SCHIP1: variants seen among roughly 807,000 people sequenced by gnomAD.
The protein encoded by SCHIP1 is schwannomin-interacting protein 1.
A neutral mutation model predicts 29.7 loss-of-function variants in SCHIP1; 8 were observed. That is an observed-to-expected ratio of 0.27 (90% confidence interval 0.16 to 0.49). SCHIP1 has a LOEUF of 0.49. Ranked by LOEUF, SCHIP1 falls within the 20% of genes least tolerant of loss-of-function variation. The pLI is 0.99. For synonymous variants in SCHIP1, 76 were observed against 94.9 expected (o/e 0.80, Z 1.16); for missense variants, 193 against 294.6 (o/e 0.66, Z 2.52).
the SCHIP1 span, among the ~76,000 whole-genome samples, chr3:159,611,228 G>A: frequency 8.5e-5 from 13 of 152,082 alleles, no homozygotes; most frequent in African/African-American, 2.4e-4. Flanking sequence ...AGTCAAGTCC[G>A]GGGAGCCAGG....
At chr3:159,717,912 G>C in the SCHIP1 span, among the ~76,000 whole-genome samples, 1 of 152,110 alleles carries the variant, frequency 6.6e-6, no homozygotes, top group Non-Finnish European at 1.5e-5. Flanking sequence ...CCAAAGCCTG[G>C]CAGAGACACA....
chr3:159,337,342 G>T, the SCHIP1 span, among the ~76,000 whole-genome samples: 4 of 152,190 alleles, frequency 2.6e-5, no homozygotes, highest in East Asian at 7.7e-4. Flanking sequence ...GGAAGTTCTG[G>T]CCAGGGCAGT....
chr3:159,532,193 G>C, the SCHIP1 span, among the ~76,000 whole-genome samples: 1 of 152,132 alleles, frequency 6.6e-6, no homozygotes, highest in African/African-American at 2.4e-5. Flanking sequence ...CTGTAGGCAA[G>C]ATGCCGCTTT....
At chr3:159,876,211 C>T (rs1417954808) in intron 2 of SCHIP1, among the ~76,000 whole-genome samples, 1 of 152,210 alleles carries the variant, frequency 6.6e-6, no homozygotes, top group Non-Finnish European at 1.5e-5. Context: ...TGTTCTTCCA[C>T]CATCGATCAT....
At chr3:159,323,041 G>T in the SCHIP1 span, among the ~76,000 whole-genome samples, 2 of 152,160 alleles carry the variant, frequency 1.3e-5, no homozygotes, top group Admixed American at 6.5e-5. Flanking sequence ...GATAGCGGCG[G>T]ACTGGGAAGA....
At chr3:159,799,704 G>A in the SCHIP1 span, among the ~76,000 whole-genome samples, 1 of 152,188 alleles carries the variant, frequency 6.6e-6, no homozygotes, top group African/African-American at 2.4e-5. Flanking sequence ...CAGTCTGGTG[G>A]GAGTGCAAGA....
At chr3:159,512,250 C>T in the SCHIP1 span, among the ~76,000 whole-genome samples, 1 of 152,180 alleles carries the variant, frequency 6.6e-6, no homozygotes, top group Non-Finnish European at 1.5e-5. Context: ...TTTTAAAATG[C>T]TAACTTCGTT....
At chr3:159,496,050 T>C in the SCHIP1 span, among the ~76,000 whole-genome samples, 1 of 152,292 alleles carries the variant, frequency 6.6e-6, no homozygotes, top group East Asian at 1.9e-4. Context: ...TGGCTAGCCA[T>C]ATGTAGAAAG....
At chr3:159,891,238 G>A (rs1324290044) in intron 5 of SCHIP1, among the ~76,000 whole-genome samples, 1 of 152,178 alleles carries the variant, frequency 6.6e-6, no homozygotes, top group Non-Finnish European at 1.5e-5. Flanking sequence ...AGGCTTGGTG[G>A]CACATGCCCG....
chr3:159,803,549 C>T, the SCHIP1 span, among the ~76,000 whole-genome samples: 2 of 152,124 alleles, frequency 1.3e-5, no homozygotes, highest in Admixed American at 6.5e-5. Context: ...ACAAATAAGA[C>T]CTACCTAAGG....
chr3:159,711,166 G>T, the SCHIP1 span, among the ~76,000 whole-genome samples: 1 of 151,870 alleles, frequency 6.6e-6, no homozygotes, highest in Non-Finnish European at 1.5e-5. Context: ...ACATTTCGGA[G>T]TATGTTCAAA....
At chr3:159,566,926 T>C in the SCHIP1 span, among the ~76,000 whole-genome samples, 7 of 152,354 alleles carry the variant, frequency 4.6e-5, no homozygotes, top group South Asian at 1.5e-3. Context: ...CTCTTAAGTG[T>C]ACATTTTCAC....
the SCHIP1 span, among the ~76,000 whole-genome samples, chr3:159,467,459 T>C: frequency 6.6e-6 from 1 of 151,180 alleles, no homozygotes; most frequent in Non-Finnish European, 1.5e-5. Flanking sequence ...GAACCAGAAA[T>C]GAGAAGTAAA....
At chr3:159,606,642 A>G in the SCHIP1 span, among the ~76,000 whole-genome samples, 30,692 of 152,160 alleles carry the variant, frequency 0.2, 8,396 homozygotes, top group African/African-American at 0.62. Context: ...AACATGGGCC[A>G]GAAGCTGTTA....
the SCHIP1 span, among the ~76,000 whole-genome samples, chr3:159,383,411 T>C: frequency 6.6e-6 from 1 of 151,586 alleles, no homozygotes; most frequent in Non-Finnish European, 1.5e-5. Context: ...AAAGATCAGA[T>C]AGTTGTAGAT....
the SCHIP1 span, among the ~76,000 whole-genome samples, chr3:159,346,980 TC>T: frequency 2.6e-4 from 40 of 151,588 alleles, no homozygotes; most frequent in African/African-American, 9.7e-4. Flanking sequence ...AGTCATGACT[TC>T]CAATGAATCC....
chr3:159,489,763 G>A, the SCHIP1 span, among the ~76,000 whole-genome samples: 1 of 152,046 alleles, frequency 6.6e-6, no homozygotes. Flanking sequence ...TAATTCTATA[G>A]CATTTTTAAA....
At chr3:159,844,041 G>C (rs1428633228) in intron 1 of SCHIP1, among the ~76,000 whole-genome samples, 3 of 152,076 alleles carry the variant, frequency 2.0e-5, no homozygotes, top group African/African-American at 7.2e-5. Flanking sequence ...AGAGTTGCCA[G>C]GTCCCCTGCC....
the SCHIP1 span, among the ~76,000 whole-genome samples, chr3:159,672,384 T>A: frequency 6.6e-6 from 1 of 152,250 alleles, no homozygotes; most frequent in Admixed American, 6.5e-5. Flanking sequence ...TCTGCTGCCA[T>A]GCAAGGCAGT....
Sources: gnomAD v4.1 joint callset for allele counts (sites outside exome capture counted in the v4.1 genomes callset) on GRCh38, gnomAD v4.1.1 for gene constraint, MANE v1.5 for transcripts, NCBI Gene and HGNC (gene_info 2026-07-23, HGNC 2026-07-21) for gene names.